FNDC3B: variants seen among roughly 807,000 people sequenced by gnomAD.
FNDC3B encodes fibronectin type III domain-containing protein 3B.
A neutral mutation model predicts 151.5 loss-of-function variants in FNDC3B; 12 were observed. The observed-to-expected ratio is 0.08, with a 90% confidence interval of 0.05 to 0.13. The LOEUF (loss-of-function observed/expected upper bound fraction) is 0.13. FNDC3B is among the 10% of genes least tolerant of loss of function. The pLI is 1.00. For synonymous variants in FNDC3B, 528 were observed against 549.0 expected, an observed-to-expected ratio of 0.96 and a Z score of 0.54; for missense variants, 1,214 against 1,505.3, an observed-to-expected ratio of 0.81 and a Z score of 3.20.
At chr3:172,220,371 G>C (rs1210938021) in intron 3 of FNDC3B, among the ~76,000 whole-genome samples, 2 of 152,158 alleles carry the variant, frequency 1.3e-5, no homozygotes, top group African/African-American at 2.4e-5. Context: ...AAGTAGGGTT[G>C]TTTGTCTTTT....
At position 172,104,831 on chromosome 3, in the gene FNDC3B, A is replaced by T. The variant is rs141201229; in HGVS notation, c.-28-7621A>T. On this transcript the variant is annotated intron_variant, in intron 1 of 25. Transcript: ENST00000415807. Reference sequence around the variant, plus strand: ...ATTGTGTTTCTATTTTGTTTTAATGAAATTTTTTTCCTTTTGTTGATGCTG... The same window carrying T: ...ATTGTGTTTCTATTTTGTTTTAATGTAATTTTTTTCCTTTTGTTGATGCTG... Among the ~76,000 whole-genome samples the T allele has an allele frequency of 5.2e-3, 797 of 152,292 alleles. 3 individuals are homozygous for T. The highest frequency in any genetic ancestry group is 0.019 in the African/African-American group (771 of 41,556).
chr3:172,109,070 A>C (rs1010946290), intron 1 of FNDC3B, among the ~76,000 whole-genome samples: 1 of 152,076 alleles, frequency 6.6e-6, no homozygotes, highest in African/African-American at 2.4e-5. Context: ...TGTAGGCCCC[A>C]TCTAGCTGAA....
intron 1 of FNDC3B, among the ~76,000 whole-genome samples, chr3:172,047,674 CA>C (rs1716430055): frequency 6.6e-6 from 1 of 152,164 alleles, no homozygotes; most frequent in African/African-American, 2.4e-5. Flanking sequence ...ATGTGAACTA[CA>C]AACAGTTTAC....
intron 1 of FNDC3B, among the ~76,000 whole-genome samples, chr3:172,054,718 GGGGGGTA>G (rs1300481309): frequency 2.0e-5 from 3 of 152,028 alleles, no homozygotes; most frequent in Non-Finnish European, 4.4e-5. Flanking sequence ...CCCCTGAACA[GGGGGGTA>G]GGGGGTGCAG....
At chr3:172,106,298 G>A (rs1719641443) in intron 1 of FNDC3B, among the ~76,000 whole-genome samples, 1 of 152,152 alleles carries the variant, frequency 6.6e-6, no homozygotes, top group Admixed American at 6.5e-5. Context: ...ACCATGCCCA[G>A]TTTTCCACTG....
chr3:172,223,984 G>C (rs1398437943), intron 3 of FNDC3B, among the ~76,000 whole-genome samples: 1 of 152,226 alleles, frequency 6.6e-6, no homozygotes, highest in Non-Finnish European at 1.5e-5. Context: ...CTATTAGGAA[G>C]TAAGGTTCAG....
chr3:172,163,466 T>C (rs574320619), intron 3 of FNDC3B, among the ~76,000 whole-genome samples: 2 of 152,232 alleles, frequency 1.3e-5, no homozygotes, highest in South Asian at 4.1e-4. Flanking sequence ...TATCATTTTG[T>C]TTTTCTTTAT....
intron 11 of FNDC3B, among the ~76,000 whole-genome samples, chr3:172,313,303 G>A (rs9877284): frequency 0.36 from 54,569 of 152,064 alleles, 11,223 homozygotes; most frequent in African/African-American, 0.56. Flanking sequence ...GATAATTGAA[G>A]GAACACCAAG....
At chr3:172,179,656 A>G (rs898105150) in intron 3 of FNDC3B, among the ~76,000 whole-genome samples, 1 of 151,042 alleles carries the variant, frequency 6.6e-6, no homozygotes, top group Non-Finnish European at 1.5e-5. Flanking sequence ...TTAAGGTGGG[A>G]GGACCACTTG....
chr3:172,198,148 G>A (rs1419356480), intron 3 of FNDC3B, among the ~76,000 whole-genome samples: 1 of 151,826 alleles, frequency 6.6e-6, no homozygotes, highest in Non-Finnish European at 1.5e-5. Flanking sequence ...ATCTTTTCTG[G>A]TTCAAAGAGA....
rs574049072 is a variant in FNDC3B at position 172,069,429 on chromosome 3, G to A, written c.-29+29658G>A. Among the ~76,000 whole-genome samples the A allele has an allele frequency of 2.0e-5, 3 of 152,286 alleles. No individual in the cohort carries two copies. In the South Asian group the frequency reaches 6.2e-4, roughly 32 times the overall value. On this transcript the variant is annotated intron_variant, in intron 1 of 25. Coordinates refer to ENST00000415807, the MANE Select transcript of FNDC3B (RefSeq NM_022763.4). ...TCTCTATTAATACTTTTAGGCAAAGGTTGAGATCTTTGAAGAATTAGTGGG... is the reference window on the plus strand; with the variant it reads ...TCTCTATTAATACTTTTAGGCAAAGATTGAGATCTTTGAAGAATTAGTGGG...
chr3:172,071,082 G>A lies in FNDC3B; in HGVS notation c.-29+31311G>A, dbSNP rs547135422. 4.6e-5 allele frequency among the ~76,000 whole-genome samples: 7 copies of A among 152,098 alleles called. No individual in the cohort carries two copies. In the East Asian group the frequency reaches 9.6e-4, roughly 21 times the overall value. ...AAAAATTATTCACAGTAACAAATGC[G>A]TGTTTTGATAGTGCTAAAAATTAGT... On this transcript the variant is annotated intron_variant, in intron 1 of 25. Coordinates refer to ENST00000415807, the MANE Select transcript of FNDC3B (RefSeq NM_022763.4).
rs145778174 is a variant in FNDC3B at position 172,328,269 on chromosome 3, C to T, written c.1255-683C>T. Among the ~76,000 whole-genome samples the T allele has an allele frequency of 1.0e-3, 159 of 152,354 alleles. 1 individual carries two copies. The highest frequency in any genetic ancestry group is 3.8e-3 in the African/African-American group (156 of 41,584). ...ACCAATGTTCCAAGTGCTTATCATT[C>T]ACTTCCACCCTGCAAGCATTGATTG... On this transcript the variant is annotated intron_variant, in intron 11 of 25. Coordinates refer to ENST00000415807, the MANE Select transcript of FNDC3B (RefSeq NM_022763.4).
chr3:172,190,830 G>A (rs575472722), intron 3 of FNDC3B, among the ~76,000 whole-genome samples: 9 of 152,144 alleles, frequency 5.9e-5, no homozygotes, highest in East Asian at 1.9e-4. Context: ...CACCATGCCC[G>A]GCTAATTTTT....
At position 172,199,248 on chromosome 3, in the gene FNDC3B, C is replaced by G. The variant is rs1330026308; in HGVS notation, c.188-27623C>G. 2.0e-5 allele frequency among the ~76,000 whole-genome samples: 3 copies of G among 150,786 alleles called. 1 individual carries two copies. On this transcript the variant is annotated intron_variant, in intron 3 of 25. Coordinates refer to ENST00000415807, the MANE Select transcript of FNDC3B (RefSeq NM_022763.4). The stretch of plus-strand genomic sequence containing the variant: ...AGGCTGGAGTGCAGTGGCGCGATCT[C>G]GGCTCTCTGCAGGCTCCGCCTCCCG...
chr3:172,297,676 G>A lies in FNDC3B; in HGVS notation c.1002-1052G>A, dbSNP rs528127667. 1.1e-3 allele frequency among the ~76,000 whole-genome samples: 173 copies of A among 151,976 alleles called. 1 individual carries two copies. The Middle Eastern group carries it at 0.014, about 12-fold the overall frequency. ...TTTTTAGTAGAGACGGGGTTTCACC[G>A]TGTTAGCCAGGATGGTCTCGATCTC... is the stretch of plus-strand genomic sequence containing the variant. On this transcript the variant is annotated intron_variant, in intron 8 of 25. Coordinates refer to ENST00000415807, the MANE Select transcript of FNDC3B (RefSeq NM_022763.4).
intron 1 of FNDC3B, among the ~76,000 whole-genome samples, chr3:172,076,620 AT>A (rs531261858): frequency 2.0e-5 from 3 of 152,148 alleles, no homozygotes; most frequent in Admixed American, 1.3e-4. Context: ...TAATTAATTT[AT>A]TTTTTTTAAA....
chr3:172,324,000 T>C (rs529508362), intron 11 of FNDC3B, among the ~76,000 whole-genome samples: 1 of 152,136 alleles, frequency 6.6e-6, no homozygotes, highest in Admixed American at 6.5e-5. Flanking sequence ...AAAGAGGCAC[T>C]TACCCAGGTT....
At chr3:172,109,331 A>T (rs1191274296) in intron 1 of FNDC3B, among the ~76,000 whole-genome samples, 2 of 151,812 alleles carry the variant, frequency 1.3e-5, no homozygotes, top group Non-Finnish European at 2.9e-5. Context: ...GCGCCCGGCT[A>T]ATTTTTTTGT....
Sources: gnomAD v4.1 joint callset for allele counts (sites outside exome capture counted in the v4.1 genomes callset) on GRCh38, gnomAD v4.1.1 for gene constraint, MANE v1.5 for transcripts, NCBI Gene and HGNC (gene_info 2026-07-23, HGNC 2026-07-21) for gene names.